Variants in SCAI observed in about 807,000 individuals in gnomAD.
SCAI encodes protein SCAI.
SCAI carries 24 observed loss-of-function variants against 92.2 expected under a neutral mutation model. The observed-to-expected ratio is 0.26, with a 90% CI of 0.19 to 0.37. The LOEUF is 0.37. SCAI is among the 10% of genes least tolerant of loss of function. SCAI has a pLI of 1.00. For missense variants in SCAI, 450 were observed against 736.2 expected, an observed-to-expected ratio of 0.61 and a Z score of 4.50; for synonymous variants, 261 against 258.6, an observed-to-expected ratio of 1.01 and a Z score of -0.09.
chr9:124,989,917 G>A (rs1588135944), intron 14 of SCAI, among the ~76,000 whole-genome samples: 2 of 151,676 alleles, frequency 1.3e-5, no homozygotes, highest in East Asian at 3.9e-4. Flanking sequence ...GCTCACGCCT[G>A]TAATCCCAGC....
intron 14 of SCAI, among the ~76,000 whole-genome samples, chr9:124,993,908 AAC>A (rs1832185114): frequency 6.6e-6 from 1 of 152,148 alleles, no homozygotes; most frequent in South Asian, 2.1e-4. Context: ...GAATATTTTG[AAC>A]ACATTTTTCA....
At chr9:125,076,476 G>C (rs188379882) in intron 2 of SCAI, among the ~76,000 whole-genome samples, 17 of 152,174 alleles carry the variant, frequency 1.1e-4, no homozygotes, top group Admixed American at 2.0e-4. Flanking sequence ...TCCAGCCTAG[G>C]CCACAGAGGG....
intron 3 of SCAI, among the ~76,000 whole-genome samples, chr9:125,032,380 C>T (rs1360386168): frequency 2.7e-5 from 4 of 150,832 alleles, no homozygotes; most frequent in Non-Finnish European, 5.9e-5. Context: ...TTAGTACAGA[C>T]GGGGTTTCGC....
At position 124,971,578 on chromosome 9, in the gene SCAI, A is replaced by T. The variant is rs886597184; in HGVS notation, c.1573+93T>A. 33 of 1,399,128 alleles carry T rather than the reference A, an allele frequency of 2.4e-5. No homozygotes were observed. The African/African-American group carries it at 4.6e-4, about 20-fold the overall frequency. 86.7% of individuals were successfully genotyped at this position (1,399,128 alleles called of 1,614,324 possible). On this transcript the variant is annotated intron_variant, in intron 16 of 17. Coordinates refer to ENST00000336505, the MANE Select transcript of SCAI (RefSeq NM_001144877.3). ...TTCTCAACTTTCCTGCCTGGGACAC[A>T]TACCTTTAAAAATTCAAACAATTTA...
At chr9:124,953,678 G>A (rs1343344867) in intron 17 of SCAI, among the ~76,000 whole-genome samples, 2 of 152,036 alleles carry the variant, frequency 1.3e-5, no homozygotes, top group Non-Finnish European at 2.9e-5. Flanking sequence ...CTCCCAAAGT[G>A]TTGGGATTAC....
chr9:125,012,395 A>C (rs540108280), intron 9 of SCAI, among the ~76,000 whole-genome samples: 8 of 152,300 alleles, frequency 5.3e-5, no homozygotes, highest in Admixed American at 3.3e-4. Flanking sequence ...GTCTCTGATA[A>C]AACAGACTTT....
intron 6 of SCAI, among the ~76,000 whole-genome samples, chr9:125,024,679 G>T (rs1832934835): frequency 1.3e-5 from 2 of 152,078 alleles, no homozygotes; most frequent in African/African-American, 2.4e-5. Flanking sequence ...CTATACATTT[G>T]CCTAGGAAAC....
chr9:125,124,815 G>T (rs998142265), intron 2 of SCAI, among the ~76,000 whole-genome samples: 1 of 152,188 alleles, frequency 6.6e-6, no homozygotes, highest in Non-Finnish European at 1.5e-5. Flanking sequence ...GCCAAGAAAA[G>T]GGGTTGAAAA....
chr9:125,098,327 G>C (rs1368825794), intron 2 of SCAI, among the ~76,000 whole-genome samples: 1 of 152,042 alleles, frequency 6.6e-6, no homozygotes, highest in Admixed American at 6.6e-5. Flanking sequence ...AAAGTGCTGG[G>C]ATTACAGGTG....
chr9:124,965,503 G>A (rs555390523), intron 17 of SCAI, among the ~76,000 whole-genome samples: 58 of 152,276 alleles, frequency 3.8e-4, no homozygotes, highest in African/African-American at 1.3e-3. Context: ...CCAAAGTGCT[G>A]GGATTACAGG....
In SCAI at chr9:124,943,954, G is replaced by A. The variant is rs1672863700; in HGVS notation, c.*8853C>T. On this transcript the variant is annotated 3_prime_UTR_variant, in exon 18 of 18. Transcript: ENST00000336505. ...ATTTATACTGGTGCTACACAACGAA[G>A]ATAACCTATATGGATAAGTTATTTT... 6.6e-6 allele frequency: 1 copy of A among 152,186 alleles called. No homozygotes were observed. The highest frequency in any genetic ancestry group is 2.1e-4 in the South Asian group (1 of 4,832). 9.4% of individuals were successfully genotyped at this position (152,186 alleles called of 1,614,324 possible).
intron 9 of SCAI, among the ~76,000 whole-genome samples, chr9:125,010,970 G>T (rs1422689765): frequency 2.0e-5 from 3 of 152,182 alleles, no homozygotes; most frequent in Admixed American, 2.0e-4. Context: ...GCAGCTGAGG[G>T]TCCTGTCTGT....
intron 6 of SCAI, 46 bp downstream of exon 6, chr9:125,026,760 TTAAGAC>T: frequency 2.1e-6 from 2 of 937,362 alleles, no homozygotes; most frequent in Non-Finnish European, 3.3e-6. Flanking sequence ...TCTACGAAGA[TTAAGAC>T]TGAATGTTTT....
chr9:125,082,298 G>A (rs1004052495), intron 2 of SCAI, among the ~76,000 whole-genome samples: 2 of 152,226 alleles, frequency 1.3e-5, no homozygotes, highest in Non-Finnish European at 1.5e-5. Flanking sequence ...CAGAAGTCAA[G>A]ACCTGAAGTT....
At chr9:125,129,746 G>C (rs1355801604) in intron 2 of SCAI, among the ~76,000 whole-genome samples, 1 of 151,590 alleles carries the variant, frequency 6.6e-6, no homozygotes, top group Non-Finnish European at 1.5e-5. Flanking sequence ...TTACAGGTGT[G>C]AGCCACCACG....
At chr9:125,131,423 AG>A (rs779494250) in intron 2 of SCAI, among the ~76,000 whole-genome samples, 1 of 150,790 alleles carries the variant, frequency 6.6e-6, no homozygotes, top group East Asian at 2.0e-4. Context: ...AAAAAAAAAA[AG>A]AAAAATAAAC....
intron 17 of SCAI, among the ~76,000 whole-genome samples, chr9:124,959,537 C>T (rs10986497): frequency 4.9e-4 from 71 of 143,762 alleles, no homozygotes; most frequent in Admixed American, 9.7e-4. Flanking sequence ...TATATACACA[C>T]ATATATATAT....
chr9:125,108,841 C>A (rs993712356), intron 2 of SCAI, among the ~76,000 whole-genome samples: 1 of 152,204 alleles, frequency 6.6e-6, no homozygotes, highest in African/African-American at 2.4e-5. Context: ...GCCCGGCCAC[C>A]ACCCCGTCTG....
chr9:124,981,651 TA>T (rs1265521597), intron 14 of SCAI, among the ~76,000 whole-genome samples: 3 of 152,018 alleles, frequency 2.0e-5, no homozygotes, highest in Non-Finnish European at 4.4e-5. Flanking sequence ...TTTATAGTAT[TA>T]AATTTTTTTT....
Sources: allele counts gnomAD v4.1 joint callset (sites outside exome capture counted in the v4.1 genomes callset), GRCh38; gene constraint gnomAD v4.1.1; transcripts MANE v1.5; gene names NCBI Gene and HGNC (gene_info 2026-07-23, HGNC 2026-07-21).